The following TAOK1 variants were observed in gnomAD, a reference collection of about 807,000 sequenced individuals.
The protein encoded by TAOK1 is TAO kinase 1.
Under a neutral mutation model 138.3 loss-of-function variants are expected in TAOK1, and 21 were observed. The ratio of observed to expected loss-of-function variants is 0.15; its 90% CI spans 0.11 to 0.22. TAOK1 has a LOEUF of 0.22. TAOK1 is among the 10% of genes least tolerant of loss of function. The probability of loss-of-function intolerance (pLI) is 1.00; values close to 1 mark genes in which losing one functional copy is unlikely to be tolerated. For synonymous variants in TAOK1, 361 were observed against 398.4 expected (o/e 0.91, Z 1.12); for missense variants, 651 against 1,227.7 (o/e 0.53, Z 7.02).
intron 2 of TAOK1, among the ~76,000 whole-genome samples, chr17:29,457,933 ACTCCAT>A (rs1461576245): frequency 6.6e-6 from 1 of 151,474 alleles, no homozygotes; most frequent in Non-Finnish European, 1.5e-5. Context: ...ACACGGTGAA[ACTCCAT>A]CTCTACTAAA....
At chr17:29,502,093 A>C (rs184774984) in intron 12 of TAOK1, among the ~76,000 whole-genome samples, 42 of 152,316 alleles carry the variant, frequency 2.8e-4, no homozygotes, top group African/African-American at 9.9e-4. Flanking sequence ...TCTTGTCCTG[A>C]GTCTGTGTAC....
chr17:29,471,975 T>C (rs1015114793), intron 3 of TAOK1, among the ~76,000 whole-genome samples: 6 of 152,204 alleles, frequency 3.9e-5, no homozygotes, highest in Non-Finnish European at 4.4e-5. Flanking sequence ...ATTGCAGCAG[T>C]GTAGTCACAT....
At chr17:29,467,845 A>G (rs989984148) in intron 3 of TAOK1, among the ~76,000 whole-genome samples, 11 of 149,134 alleles carry the variant, frequency 7.4e-5, no homozygotes, top group Non-Finnish European at 1.5e-4. Context: ...TTTTTTTTAG[A>G]TAGAGTCTCG....
chr17:29,410,090 AGTG>A (rs938784980), intron 1 of TAOK1, among the ~76,000 whole-genome samples: 1 of 152,086 alleles, frequency 6.6e-6, no homozygotes, highest in Non-Finnish European at 1.5e-5. Flanking sequence ...TGTGGTGTAA[AGTG>A]GTGAAAAAGT....
chr17:29,404,372 G>A (rs1904934296), intron 1 of TAOK1, among the ~76,000 whole-genome samples: 1 of 151,986 alleles, frequency 6.6e-6, no homozygotes, highest in South Asian at 2.1e-4. Context: ...GTGTTGCCCA[G>A]GCTGGTCTTG....
At chr17:29,437,201 C>A (rs1362501316) in intron 1 of TAOK1, among the ~76,000 whole-genome samples, 5 of 151,804 alleles carry the variant, frequency 3.3e-5, no homozygotes, top group Admixed American at 3.3e-4. Flanking sequence ...CTAGCTGGGA[C>A]TACAGGTGCC....
intron 1 of TAOK1, among the ~76,000 whole-genome samples, chr17:29,416,456 A>G (rs1905267157): frequency 6.6e-6 from 1 of 152,038 alleles, no homozygotes; most frequent in African/African-American, 2.4e-5. Flanking sequence ...AGACTTCTCA[A>G]AGAGAAGTCT....
At position 29,530,962 on chromosome 17, in the gene TAOK1, A is replaced by ATTTTTTTTTTTTTTTTTTTT. The variant is rs66788063; in HGVS notation, c.2361+360_2361+361insTTTTTTTTTTTTTTTTTTTT. ...TGGTTGTGTTTGAGTACAAGTACAA[A>ATTTTTTTTTTTTTTTTTTTT]TTTTTTTTTTTTTTTTTGAGACGGA... On this transcript the variant is annotated intron_variant, in intron 18 of 19. Transcript: ENST00000261716. Among the ~76,000 whole-genome samples, 35 of 96,178 alleles carry ATTTTTTTTTTTTTTTTTTTT rather than the reference A, an allele frequency of 3.6e-4. 6 individuals carry two copies. The highest frequency in any genetic ancestry group is 8.7e-4 in the African/African-American group (20 of 22,952). The allele number at this position is 96,178 out of a possible 152,430, so 63.1% of individuals were successfully genotyped here. A position where few individuals can be genotyped will look rare whatever the true frequency, so the allele number is the denominator to read the frequency against.
chr17:29,538,688 A>G (rs1598530744), intron 19 of TAOK1, among the ~76,000 whole-genome samples: 1 of 152,210 alleles, frequency 6.6e-6, no homozygotes, highest in East Asian at 1.9e-4. Flanking sequence ...GATTGTTGTA[A>G]GTCTCCAAGT....
Position 29,413,770 on chromosome 17 carries a change from C to T in TAOK1, c.-95+22746C>T, listed in dbSNP as rs564896634. ...AGTTGCTCGCTATTTTCCTCTCTTCCGTCTCTGATAATCACCAGTCTTTGT... is the reference window on the plus strand; with the variant it reads ...AGTTGCTCGCTATTTTCCTCTCTTCTGTCTCTGATAATCACCAGTCTTTGT... On this transcript the variant is annotated intron_variant, in intron 1 of 19. Coordinates refer to ENST00000261716, the MANE Select transcript of TAOK1 (RefSeq NM_020791.4). Among the ~76,000 whole-genome samples, 11 of 152,154 alleles carry T rather than the reference C, an allele frequency of 7.2e-5. No individual in the cohort carries two copies. The East Asian group carries it at 1.2e-3, about 16-fold the overall frequency.
intron 12 of TAOK1, among the ~76,000 whole-genome samples, chr17:29,499,930 T>G (rs2031493362): frequency 6.6e-6 from 1 of 152,112 alleles, no homozygotes; most frequent in South Asian, 2.1e-4. Flanking sequence ...AATGTGGGTG[T>G]TTGCTGCATT....
intron 16 of TAOK1, among the ~76,000 whole-genome samples, chr17:29,517,995 A>C (rs1257722680): frequency 6.6e-6 from 1 of 152,134 alleles, no homozygotes; most frequent in Non-Finnish European, 1.5e-5. Context: ...AGCTAGGATT[A>C]CAGGTGTGCA....
intron 1 of TAOK1, among the ~76,000 whole-genome samples, chr17:29,421,828 C>T (rs1239492329): frequency 6.6e-6 from 1 of 151,918 alleles, no homozygotes; most frequent in Non-Finnish European, 1.5e-5. Context: ...GTCTCAAACT[C>T]CTGGGCTCAA....
chr17:29,427,446 A>G (rs1567715369), intron 1 of TAOK1, among the ~76,000 whole-genome samples: 1 of 149,890 alleles, frequency 6.7e-6, no homozygotes, highest in East Asian at 2.0e-4. Flanking sequence ...AAATACAACA[A>G]TTAGCCAGGT....
intron 2 of TAOK1, among the ~76,000 whole-genome samples, chr17:29,462,329 C>T (rs997692061): frequency 6.6e-6 from 1 of 152,102 alleles, no homozygotes; most frequent in African/African-American, 2.4e-5. Flanking sequence ...TCTAGATTAC[C>T]AGGAAGATAA....
chr17:29,521,666 T>C (rs1448742511), intron 16 of TAOK1, among the ~76,000 whole-genome samples: 1 of 152,178 alleles, frequency 6.6e-6, no homozygotes, highest in East Asian at 1.9e-4. Context: ...CCCTGCAAGC[T>C]CCGCCTCCTG....
At position 29,489,679 on chromosome 17, in the gene TAOK1, C is replaced by G. The variant is rs775443135; in HGVS notation, c.671C>G (p.Pro224Arg). Residue 224 changes from proline (P) to arginine (R), a missense_variant, in exon 9 of 20, where the codon CCT becomes CGT. Around this residue, in one of 8 missense-constraint regions of TAOK1, gnomAD observed 20 missense variants for 88.6 expected, o/e 0.23. Transcript: ENST00000261716. ...TCIELAERKP[P>R]LFNMNAMSAL... is the part of the protein sequence containing the mutation. ...TCTTTTACAGCGGAAAGGAAGCCTC[C>G]TTTATTTAATATGAATGCAATGAGT... 1 of 1,608,344 alleles carries G rather than the reference C, an allele frequency of 6.2e-7. No individual in the cohort carries two copies. Among genetic ancestry groups the G allele is most frequent in the Admixed American group, 1.7e-5 (1 of 59,146 alleles).
chr17:29,519,233 G>C (rs923688117), intron 16 of TAOK1, among the ~76,000 whole-genome samples: 1 of 152,142 alleles, frequency 6.6e-6, no homozygotes, highest in Non-Finnish European at 1.5e-5. Flanking sequence ...ATTCTTGGCT[G>C]GGTGTGATGG....
intron 1 of TAOK1, among the ~76,000 whole-genome samples, chr17:29,401,894 C>T (rs1904857075): frequency 1.3e-5 from 2 of 152,156 alleles, no homozygotes; most frequent in Admixed American, 1.3e-4. Context: ...AGGTGATCTG[C>T]CCACCTTGGC....
Sources: allele counts gnomAD v4.1 joint callset (sites outside exome capture counted in the v4.1 genomes callset), GRCh38; gene constraint gnomAD v4.1.1; regional missense constraint gnomAD v4.1.1; transcripts MANE v1.5; gene names NCBI Gene and HGNC (gene_info 2026-07-23, HGNC 2026-07-21).